Variants in RBM28 observed in about 807,000 individuals in gnomAD.
RBM28 encodes RNA-binding protein 28.
RBM28 carries 78 observed loss-of-function variants against 98.3 expected under a neutral mutation model. The ratio of observed to expected loss-of-function variants is 0.79; its 90% CI spans 0.66 to 0.96. The LOEUF (loss-of-function observed/expected upper bound fraction) is 0.96, where lower values mean the gene tolerates loss of function less well. RBM28 is among the 40% of genes least tolerant of loss of function. The pLI is 0.00. For missense variants in RBM28, 838 were observed against 913.0 expected (o/e 0.92, Z 1.06); for synonymous variants, 306 against 330.9 (o/e 0.92, Z 0.82).
chr7:128,314,446 T>C (rs1431766669), intron 17 of RBM28, among the ~76,000 whole-genome samples: 1 of 152,258 alleles, frequency 6.6e-6, no homozygotes, highest in Admixed American at 6.5e-5. Context: ...ACTAATCTGC[T>C]GTCCCAAACA....
chr7:128,329,119 G>A (rs1211092662), intron 10 of RBM28, among the ~76,000 whole-genome samples: 2 of 151,668 alleles, frequency 1.3e-5, no homozygotes, highest in East Asian at 1.9e-4. Flanking sequence ...TTCTTTTTGA[G>A]ACGGAGTCTT....
In RBM28 at chr7:128,343,731, C is replaced by T; in HGVS notation, c.63G>A (p.Glu21=). 6.2e-7 allele frequency: 1 copy of T among 1,611,672 alleles called. No individual in the cohort carries two copies. The highest frequency in any genetic ancestry group is 1.7e-5 in the Admixed American group (1 of 59,802). Reference sequence around the variant, plus strand: ...CCGGCCCCACCTGACTGAACAGTTCCTCCAGCTGCTCACTGCGGGCCGAGG... The same window carrying T: ...CCGGCCCCACCTGACTGAACAGTTCTTCCAGCTGCTCACTGCGGGCCGAGG... ...LPPSARSEQL[E]ELFSQVGPVK... is the part of the protein sequence containing the mutation. The change falls in exon 1 of 19, where the codon GAG becomes GAA. Residue 21 remains glutamate, a synonymous_variant. Coordinates refer to ENST00000223073, the MANE Select transcript of RBM28 (RefSeq NM_018077.3).
At chr7:128,336,569 C>T (rs1388211030) in intron 6 of RBM28, among the ~76,000 whole-genome samples, 3 of 152,196 alleles carry the variant, frequency 2.0e-5, no homozygotes, top group South Asian at 2.1e-4. Context: ...ACAGCCACTC[C>T]CAGGAAGGGG....
chr7:128,314,096 G>C (rs1344414985), intron 17 of RBM28, among the ~76,000 whole-genome samples: 1 of 152,050 alleles, frequency 6.6e-6, no homozygotes, highest in Admixed American at 6.6e-5. Context: ...CCCAGTAGCT[G>C]GGACTACAGG....
Position 128,339,269 on chromosome 7 carries a change from TGCCACTTTG to T in RBM28, c.321_329del (p.Lys108_Ala110del). On this transcript the variant is annotated inframe_deletion, in exon 3 of 19. Transcript: ENST00000223073. Reference sequence around the variant, plus strand: ...GAATAATTAATCTGGCTTTCTTATCTGCCACTTTGGCTTTTTTAGCCTTCGGCTCCTTCT... The same window carrying T: ...GAATAATTAATCTGGCTTTCTTATCTGCTTTTTTAGCCTTCGGCTCCTTCT... 1 of 1,613,852 alleles carries T rather than the reference TGCCACTTTG, an allele frequency of 6.2e-7. No homozygotes were observed.
chr7:128,331,687 AACT>A (rs1448187437), intron 9 of RBM28, among the ~76,000 whole-genome samples: 2 of 152,126 alleles, frequency 1.3e-5, no homozygotes, highest in Non-Finnish European at 2.9e-5. Flanking sequence ...AAAAAAAGAC[AACT>A]ACTTACTTCT....
intron 10 of RBM28, among the ~76,000 whole-genome samples, chr7:128,327,199 A>C (rs1796372691): frequency 6.6e-6 from 1 of 152,190 alleles, no homozygotes; most frequent in South Asian, 2.1e-4. Context: ...CCAGCCTAAC[A>C]CTTAATTCAG....
At chr7:128,326,623 C>A (rs991059077) in intron 10 of RBM28, among the ~76,000 whole-genome samples, 30 of 152,132 alleles carry the variant, frequency 2.0e-4, no homozygotes, top group Non-Finnish European at 3.7e-4. Flanking sequence ...TGTATAAGTA[C>A]ACTATGACAT....
At position 128,339,829 on chromosome 7, in the gene RBM28, G is replaced by A. The variant is rs759715367; in HGVS notation, c.119-38C>T. Reference sequence around the variant, plus strand: ...AGTGGGGAGGGAGTGGAGGGGCAGTGTGAAAAGGAGAGAGAATCATAAGCC... The same window carrying A: ...AGTGGGGAGGGAGTGGAGGGGCAGTATGAAAAGGAGAGAGAATCATAAGCC... On this transcript the variant is annotated intron_variant, in intron 1 of 18. Coordinates refer to ENST00000223073, the MANE Select transcript of RBM28 (RefSeq NM_018077.3). 6 of 1,596,386 alleles carry A rather than the reference G, an allele frequency of 3.8e-6. No individual in the cohort carries two copies. The East Asian group carries it at 6.7e-5, about 18-fold the overall frequency.
intron 10 of RBM28, among the ~76,000 whole-genome samples, chr7:128,326,955 C>A (rs1356991762): frequency 6.6e-6 from 1 of 151,112 alleles, no homozygotes; most frequent in African/African-American, 2.4e-5. Context: ...AGCAACATGA[C>A]AAAACCCTGT....
In RBM28 at chr7:128,302,448, A is replaced by C. The variant is rs1218369051; in HGVS notation, c.*8349T>G. On this transcript the variant is annotated 3_prime_UTR_variant, in exon 19 of 19. Coordinates refer to ENST00000223073, the MANE Select transcript of RBM28 (RefSeq NM_018077.3). ...GAGATTTTCATGGCTATGGAAAATA[A>C]ATAGCCATTATCTGACCTCCAGGGG... 1 of 152,246 alleles carries C rather than the reference A, an allele frequency of 6.6e-6. No homozygotes were observed. The highest frequency in any genetic ancestry group is 1.5e-5 in the Non-Finnish European group (1 of 68,038). The allele number at this position is 152,246 out of a possible 1,614,324, so 9.4% of individuals were successfully genotyped here. A position where few individuals can be genotyped will look rare whatever the true frequency, so the allele number is the denominator to read the frequency against.
At position 128,320,034 on chromosome 7, in the gene RBM28, T is replaced by C. The variant is rs549394966; in HGVS notation, c.1563+1232A>G. Among the ~76,000 whole-genome samples the C allele has an allele frequency of 6.6e-5, 10 of 151,882 alleles. No individual in the cohort carries two copies. The East Asian group carries it at 7.7e-4, about 12-fold the overall frequency. On this transcript the variant is annotated intron_variant, in intron 14 of 18. Transcript: ENST00000223073. ...AGAGATCGAGACCATCTTGGCAACA[T>C]GGTGAAACCCCGTCTCCACTAAAAA...
In RBM28 at chr7:128,338,815, T is replaced by G; in HGVS notation, c.373-14A>C. On this transcript the variant is annotated splice_polypyrimidine_tract_variant and intron_variant, in intron 3 of 18. Coordinates refer to ENST00000223073, the MANE Select transcript of RBM28 (RefSeq NM_018077.3). ...ATCTTCTGAACACTGAAGCCAAAAG[T>G]GAAGAAAGAAAAAGAGAAACACAAT... The G allele has an allele frequency of 6.3e-7, 1 of 1,578,430 alleles. No homozygotes were observed. The highest frequency in any genetic ancestry group is 8.7e-7 in the Non-Finnish European group (1 of 1,148,052).
chr7:128,336,994 C>G, intron 6 of RBM28, 137 bp downstream of exon 6: 1 of 914,364 alleles, frequency 1.1e-6, no homozygotes, highest in Non-Finnish European at 1.8e-6. Flanking sequence ...GCAATCCACC[C>G]AAAGTGCTGG....
intron 8 of RBM28, 25 bp from the exon 9 acceptor site, chr7:128,333,387 A>C (rs1460172902): frequency 6.5e-7 from 1 of 1,528,818 alleles, no homozygotes; most frequent in Non-Finnish European, 9.1e-7. Context: ...AAAACAACAA[A>C]CTGAAAGAGA....
Position 128,318,177 on chromosome 7 carries a change from TAG to T in RBM28, c.1564-73_1564-72del, listed in dbSNP as rs932058112. Reference sequence around the variant, plus strand: ...ACTTGCCTGACATGAACTGCTTTAATAGAGTCAATAAGAAATCAGGCTATTGG... The same window carrying T: ...ACTTGCCTGACATGAACTGCTTTAATAGTCAATAAGAAATCAGGCTATTGG... On this transcript the variant is annotated intron_variant, in intron 14 of 18. Coordinates refer to ENST00000223073, the MANE Select transcript of RBM28 (RefSeq NM_018077.3). 7 of 1,447,166 alleles carry T rather than the reference TAG, an allele frequency of 4.8e-6. No individual in the cohort carries two copies. In the African/African-American group the frequency reaches 7.0e-5, roughly 15 times the overall value. The allele number at this position is 1,447,166 out of a possible 1,614,324, so 89.6% of individuals were successfully genotyped here. A position where few individuals can be genotyped will look rare whatever the true frequency, so the allele number is the denominator to read the frequency against.
intron 17 of RBM28, among the ~76,000 whole-genome samples, chr7:128,314,534 G>A (rs1796063655): frequency 6.6e-6 from 1 of 152,234 alleles, no homozygotes; most frequent in Non-Finnish European, 1.5e-5. Context: ...CTCTTCAAAA[G>A]AGGAGAAAAG....
rs1795770556 is a variant in RBM28, at chr7:128,300,683, A to G, written c.*10114T>C. On this transcript the variant is annotated 3_prime_UTR_variant, in exon 19 of 19. Transcript: ENST00000223073. ...TTAGTAAAGAGGGCTGTTCCCTGAG[A>G]GCAAAATTGGCAAGTGGGTCTCACC... 1 of 152,300 alleles carries G rather than the reference A, an allele frequency of 6.6e-6. No homozygotes were observed. The highest frequency in any genetic ancestry group is 1.5e-5 in the Non-Finnish European group (1 of 68,062). The allele number at this position is 152,300 out of a possible 1,614,324, so 9.4% of individuals were successfully genotyped here.
chr7:128,338,393 G>A, intron 4 of RBM28, 51 bp from the exon 5 acceptor site: 1 of 1,443,532 alleles, frequency 6.9e-7, no homozygotes, highest in Non-Finnish European at 9.8e-7. Flanking sequence ...GAGGTAGCCA[G>A]AATACTAAGA....
Sources: allele counts gnomAD v4.1 joint callset (sites outside exome capture counted in the v4.1 genomes callset), GRCh38; gene constraint gnomAD v4.1.1; transcripts MANE v1.5; gene names NCBI Gene and HGNC (gene_info 2026-07-23, HGNC 2026-07-21).